KCND2: variants seen among roughly 807,000 people sequenced by gnomAD.
KCND2 encodes the protein potassium voltage-gated channel subfamily D member 2.
KCND2 carries 16 observed loss-of-function variants against 54.4 expected under a neutral mutation model. The observed-to-expected ratio is 0.29, with a 90% CI of 0.20 to 0.45. The LOEUF is 0.45. Among genes scored for constraint, KCND2 ranks in the 20% least tolerant of loss-of-function variants. The probability of loss-of-function intolerance (pLI) is 1.00; values close to 1 mark genes in which losing one functional copy is unlikely to be tolerated. For missense variants in KCND2, 486 were observed against 824.2 expected (o/e 0.59, Z 5.02); for synonymous variants, 317 against 310.7 (o/e 1.02, Z -0.21).
At chr7:120,386,671 C>T (rs1198274797) in intron 1 of KCND2, among the ~76,000 whole-genome samples, 1 of 152,090 alleles carries the variant, frequency 6.6e-6, no homozygotes, top group African/African-American at 2.4e-5. Context: ...AAACACCATT[C>T]ATCACATATG....
chr7:120,744,130 C>T (rs750012562), intron 4 of KCND2, among the ~76,000 whole-genome samples: 2 of 151,934 alleles, frequency 1.3e-5, no homozygotes, highest in East Asian at 1.9e-4. Flanking sequence ...GACATGGTGG[C>T]GGGAGCCTGT....
intron 1 of KCND2, among the ~76,000 whole-genome samples, chr7:120,384,596 T>C (rs974409668): frequency 6.6e-6 from 1 of 152,130 alleles, no homozygotes; most frequent in Non-Finnish European, 1.5e-5. Context: ...TATGTCCACT[T>C]TATTACTGGA....
intron 1 of KCND2, among the ~76,000 whole-genome samples, chr7:120,509,590 G>C (rs1047952787): frequency 6.6e-6 from 1 of 151,904 alleles, no homozygotes; most frequent in Non-Finnish European, 1.5e-5. Flanking sequence ...GCGGTTCTGT[G>C]GCTTTTTAAC....
chr7:120,711,347 C>T (rs924333108), intron 1 of KCND2, among the ~76,000 whole-genome samples: 1 of 152,022 alleles, frequency 6.6e-6, no homozygotes, highest in African/African-American at 2.4e-5. Flanking sequence ...TTCAGTAAAA[C>T]CAAAGATTAG....
chr7:120,290,430 T>A (rs1799415548), intron 1 of KCND2, among the ~76,000 whole-genome samples: 1 of 152,046 alleles, frequency 6.6e-6, no homozygotes, highest in Non-Finnish European at 1.5e-5. Context: ...AATACTTATT[T>A]ATGCTCTTTC....
chr7:120,395,181 G>A (rs959375747), intron 1 of KCND2, among the ~76,000 whole-genome samples: 1 of 151,916 alleles, frequency 6.6e-6, no homozygotes, highest in Non-Finnish European at 1.5e-5. Context: ...TTTCAAAATC[G>A]TCATTGTATG....
intron 1 of KCND2, among the ~76,000 whole-genome samples, chr7:120,409,537 G>GT (rs1801416808): frequency 6.6e-6 from 1 of 151,924 alleles, no homozygotes; most frequent in African/African-American, 2.4e-5. Flanking sequence ...TCTAGTTGCT[G>GT]TAACATCCTT....
At chr7:120,645,916 G>A (rs1793437046) in intron 1 of KCND2, among the ~76,000 whole-genome samples, 1 of 152,182 alleles carries the variant, frequency 6.6e-6, no homozygotes, top group Admixed American at 6.5e-5. Context: ...AGCAAGTTAT[G>A]TCTCCCTCTC....
chr7:120,292,155 AAT>A (rs1799444038), intron 1 of KCND2, among the ~76,000 whole-genome samples: 1 of 151,964 alleles, frequency 6.6e-6, no homozygotes, highest in South Asian at 2.1e-4. Flanking sequence ...TATTTTTTGT[AAT>A]ATAAATCTGT....
intron 1 of KCND2, among the ~76,000 whole-genome samples, chr7:120,526,786 C>G (rs1210174622): frequency 6.6e-6 from 1 of 152,080 alleles, no homozygotes; most frequent in Non-Finnish European, 1.5e-5. Flanking sequence ...ACACTGGACA[C>G]AGTTCTATTT....
intron 1 of KCND2, among the ~76,000 whole-genome samples, chr7:120,553,747 T>C (rs954231659): frequency 7.2e-5 from 11 of 152,248 alleles, no homozygotes; most frequent in African/African-American, 2.7e-4. Context: ...ATTCTCATAA[T>C]ACTTATTGGC....
chr7:120,709,629 G>A (rs188083769), intron 1 of KCND2, among the ~76,000 whole-genome samples: 1 of 152,278 alleles, frequency 6.6e-6, no homozygotes, highest in Non-Finnish European at 1.5e-5. Flanking sequence ...ACAGGAGTAA[G>A]AAAACATGTG....
chr7:120,478,289 A>C (rs913885843), intron 1 of KCND2, among the ~76,000 whole-genome samples: 5 of 152,300 alleles, frequency 3.3e-5, no homozygotes, highest in Non-Finnish European at 5.9e-5. Context: ...GGTTTGTGAC[A>C]CTTTTAAATT....
At chr7:120,538,970 AGT>A (rs942174162) in intron 1 of KCND2, among the ~76,000 whole-genome samples, 1 of 152,230 alleles carries the variant, frequency 6.6e-6, no homozygotes, top group African/African-American at 2.4e-5. Flanking sequence ...GGTGCTCATT[AGT>A]CCTGCTCAAT....
At chr7:120,411,192 A>G (rs1389294303) in intron 1 of KCND2, among the ~76,000 whole-genome samples, 1 of 151,926 alleles carries the variant, frequency 6.6e-6, no homozygotes, top group Admixed American at 6.6e-5. Context: ...ATTTATCTCT[A>G]TACATTTCAT....
At chr7:120,420,009 A>G (rs1457860438) in intron 1 of KCND2, among the ~76,000 whole-genome samples, 4 of 151,258 alleles carry the variant, frequency 2.6e-5, no homozygotes, top group Non-Finnish European at 4.4e-5. Context: ...CAAAAAAAAA[A>G]AAAGAAAGAA....
intron 1 of KCND2, among the ~76,000 whole-genome samples, chr7:120,439,982 A>G (rs1801925289): frequency 6.6e-6 from 1 of 152,048 alleles, no homozygotes; most frequent in Non-Finnish European, 1.5e-5. Context: ...ATCAGAAATT[A>G]TACTGATTTC....
At chr7:120,472,252 T>C (rs1276997415) in intron 1 of KCND2, among the ~76,000 whole-genome samples, 1 of 151,908 alleles carries the variant, frequency 6.6e-6, no homozygotes, top group Non-Finnish European at 1.5e-5. Flanking sequence ...ACAGTTGGAA[T>C]ATAACCTCAG....
chr7:120,539,896 G>A (rs895470838), intron 1 of KCND2, among the ~76,000 whole-genome samples: 1 of 151,962 alleles, frequency 6.6e-6, no homozygotes, highest in Admixed American at 6.6e-5. Context: ...ACTTCAAATA[G>A]CATTTACAAT....
Sources: allele counts gnomAD v4.1 joint callset (sites outside exome capture counted in the v4.1 genomes callset), GRCh38; gene constraint gnomAD v4.1.1; transcripts MANE v1.5; gene names NCBI Gene and HGNC (gene_info 2026-07-23, HGNC 2026-07-21).